The following PCDH15 variants were observed in gnomAD, a reference collection of about 807,000 sequenced individuals.
PCDH15 encodes protocadherin related 15.
Under a neutral mutation model 178.5 loss-of-function variants are expected in PCDH15, and 129 were observed. The observed-to-expected ratio is 0.72, with a 90% CI of 0.63 to 0.84. The LOEUF (loss-of-function observed/expected upper bound fraction) is 0.84, where lower values mean the gene tolerates loss of function less well. PCDH15 is among the 40% of genes least tolerant of loss of function. The probability of loss-of-function intolerance (pLI) is 0.00; values close to 1 mark genes in which losing one functional copy is unlikely to be tolerated. For synonymous variants in PCDH15, 800 were observed against 732.0 expected, an observed-to-expected ratio of 1.09 and a Z score of -1.50; for missense variants, 2,230 against 2,099.9, an observed-to-expected ratio of 1.06 and a Z score of -1.21.
intron 2 of PCDH15, among the ~76,000 whole-genome samples, chr10:55,092,081 T>A (rs1317591624): frequency 6.6e-6 from 1 of 151,904 alleles, no homozygotes; most frequent in African/African-American, 2.4e-5. Flanking sequence ...AAATGTTCCA[T>A]TGTAAATTAT....
chr10:54,263,567 C>G (rs2057474170), intron 8 of PCDH15, among the ~76,000 whole-genome samples: 1 of 152,108 alleles, frequency 6.6e-6, no homozygotes, highest in Non-Finnish European at 1.5e-5. Context: ...TGAATTATAG[C>G]ATCACATAAA....
intron 27 of PCDH15, among the ~76,000 whole-genome samples, chr10:53,864,396 G>A (rs2079305366): frequency 6.6e-6 from 1 of 152,138 alleles, no homozygotes; most frequent in Non-Finnish European, 1.5e-5. Context: ...AAGGATCAAA[G>A]GCTACTCTCC....
chr10:54,406,825 T>C (rs761182075), intron 3 of PCDH15, among the ~76,000 whole-genome samples: 1 of 152,108 alleles, frequency 6.6e-6, no homozygotes, highest in Non-Finnish European at 1.5e-5. Flanking sequence ...AAACAGGGGA[T>C]TATCTTCATA....
At chr10:55,293,253 C>T (rs922415375) in intron 1 of PCDH15, among the ~76,000 whole-genome samples, 2 of 152,234 alleles carry the variant, frequency 1.3e-5, no homozygotes, top group Non-Finnish European at 2.9e-5. Flanking sequence ...CACAGAGCAC[C>T]AAGTCACTAG....
At chr10:54,508,649 G>A (rs752883516) in intron 3 of PCDH15, among the ~76,000 whole-genome samples, 11 of 152,180 alleles carry the variant, frequency 7.2e-5, no homozygotes, top group Admixed American at 1.3e-4. Flanking sequence ...TGGTTATAGG[G>A]GTGTTCATCA....
intron 15 of PCDH15, among the ~76,000 whole-genome samples, chr10:54,122,123 G>A (rs906621830): frequency 2.0e-5 from 3 of 151,070 alleles, no homozygotes; most frequent in Non-Finnish European, 1.5e-5. Context: ...ATACTTACAC[G>A]TCAAATTCAA....
At chr10:55,277,479 T>G (rs1842622876) in intron 1 of PCDH15, among the ~76,000 whole-genome samples, 1 of 152,062 alleles carries the variant, frequency 6.6e-6, no homozygotes, top group African/African-American at 2.4e-5. Context: ...TACAAAAATT[T>G]TTTCTTCCTG....
intron 8 of PCDH15, among the ~76,000 whole-genome samples, chr10:54,246,720 T>C (rs377281350): frequency 6.6e-6 from 1 of 151,950 alleles, no homozygotes; most frequent in East Asian, 1.9e-4. Flanking sequence ...AGAGTATGTA[T>C]ACATTCTGAT....
intron 3 of PCDH15, among the ~76,000 whole-genome samples, chr10:54,413,854 T>C (rs901192232): frequency 6.6e-6 from 1 of 152,060 alleles, no homozygotes; most frequent in Admixed American, 6.6e-5. Context: ...ATAATAGACA[T>C]TGGAGACTTA....
chr10:55,030,535 G>T (rs1285838275), intron 2 of PCDH15, among the ~76,000 whole-genome samples: 1 of 152,092 alleles, frequency 6.6e-6, no homozygotes, highest in Non-Finnish European at 1.5e-5. Context: ...AACTAGGAAA[G>T]ACAGAAAAAC....
chr10:54,809,541 G>T (rs924562596), intron 3 of PCDH15, among the ~76,000 whole-genome samples: 4 of 152,078 alleles, frequency 2.6e-5, no homozygotes, highest in African/African-American at 9.7e-5. Context: ...ATAGAGGAAT[G>T]CTTATTACAC....
chr10:54,763,407 C>G (rs191893039), intron 1 of PCDH15, among the ~76,000 whole-genome samples: 30 of 152,150 alleles, frequency 2.0e-4, no homozygotes. Context: ...CTTGAAAATA[C>G]CCTTTCTCAA....
chr10:54,997,301 A>G (rs954197183), intron 2 of PCDH15, among the ~76,000 whole-genome samples: 1 of 152,150 alleles, frequency 6.6e-6, no homozygotes, highest in Non-Finnish European at 1.5e-5. Flanking sequence ...GTGTGTGTAT[A>G]TACATGTTTA....
At chr10:53,899,636 T>C (rs759419232) in intron 26 of PCDH15, among the ~76,000 whole-genome samples, 1 of 152,206 alleles carries the variant, frequency 6.6e-6, no homozygotes, top group African/African-American at 2.4e-5. Context: ...CCTAATATTG[T>C]ATAGCAATTG....
chr10:55,257,721 T>C (rs1246004830), intron 1 of PCDH15, among the ~76,000 whole-genome samples: 1 of 152,038 alleles, frequency 6.6e-6, no homozygotes, highest in African/African-American at 2.4e-5. Context: ...TATGGGACTA[T>C]GTGAAAAGAC....
intron 1 of PCDH15, among the ~76,000 whole-genome samples, chr10:54,791,363 A>T (rs996962749): frequency 1.3e-5 from 2 of 151,900 alleles, no homozygotes; most frequent in East Asian, 3.9e-4. Context: ...TGCATTAATA[A>T]TTCACTCAAT....
At chr10:54,515,784 T>G (rs2082152351) in intron 3 of PCDH15, among the ~76,000 whole-genome samples, 1 of 152,106 alleles carries the variant, frequency 6.6e-6, no homozygotes. Flanking sequence ...AGACAAAACT[T>G]CCAGAGGACC....
At chr10:54,934,269 T>TA (rs1837850751) in intron 2 of PCDH15, among the ~76,000 whole-genome samples, 1 of 152,148 alleles carries the variant, frequency 6.6e-6, no homozygotes, top group South Asian at 2.1e-4. Context: ...CTCCAAATTT[T>TA]AAAAGGATTT....
chr10:54,924,790 T>G (rs577130445), intron 2 of PCDH15, among the ~76,000 whole-genome samples: 122 of 152,248 alleles, frequency 8.0e-4, no homozygotes, highest in African/African-American at 2.8e-3. Flanking sequence ...TTTTATGGTG[T>G]TGTTTATATT....
Sources: gnomAD v4.1 joint callset for allele counts (sites outside exome capture counted in the v4.1 genomes callset) on GRCh38, gnomAD v4.1.1 for gene constraint, MANE v1.5 for transcripts, NCBI Gene and HGNC (gene_info 2026-07-23, HGNC 2026-07-21) for gene names.